Variants in CREM observed in about 807,000 individuals in gnomAD.
CREM encodes the protein cAMP responsive element modulator, also known as cAMP-responsive element modulator.
In CREM, 13 loss-of-function variants were observed where a neutral mutation model predicts 37.3. The observed-to-expected ratio is 0.35, with a 90% CI of 0.23 to 0.55. The LOEUF is 0.55. Among genes scored for constraint, CREM ranks in the 20% least tolerant of loss-of-function variants. The probability of loss-of-function intolerance (pLI) is 0.88; values close to 1 mark genes in which losing one functional copy is unlikely to be tolerated. For missense variants in CREM, 296 were observed against 362.3 expected (o/e 0.82, Z 1.49); for synonymous variants, 124 against 120.2 (o/e 1.03, Z -0.21).
At chr10:35,209,466 G>GA in intron 7 of CREM, 1 of 681,404 alleles carries the variant, frequency 1.5e-6, no homozygotes, top group Non-Finnish European at 1.8e-6. Flanking sequence ...CTACTGATGT[G>GA]ATCGGGGAAA....
intron 1 of CREM, among the ~76,000 whole-genome samples, chr10:35,128,083 C>T (rs1419947487): frequency 6.6e-6 from 1 of 152,102 alleles, no homozygotes; most frequent in East Asian, 1.9e-4. Flanking sequence ...GACCTTCCAC[C>T]CACCTCGGCC....
At chr10:35,189,209 CTGTT>C (rs1171358323) in intron 6 of CREM, among the ~76,000 whole-genome samples, 1 of 148,120 alleles carries the variant, frequency 6.8e-6, no homozygotes, top group East Asian at 2.0e-4. Context: ...TTTTGACTGA[CTGTT>C]CTTAGTTGTT....
intron 3 of CREM, among the ~76,000 whole-genome samples, chr10:35,157,886 C>T (rs1363081549): frequency 6.6e-6 from 1 of 151,962 alleles, no homozygotes; most frequent in Non-Finnish European, 1.5e-5. Flanking sequence ...TACATGAATT[C>T]ACTGAAGTTG....
At position 35,211,939 on chromosome 10, in the gene CREM, C is replaced by T; in HGVS notation, c.*541C>T. ...TTAATCACTTAACATTCCTAAAATG[C>T]TTCACTGTACGTAGTTAAGTCGTAG... is the stretch of plus-strand genomic sequence containing the variant. On this transcript the variant is annotated 3_prime_UTR_variant, in exon 8 of 8. Transcript: ENST00000685392. 1.1e-6 allele frequency: 1 copy of T among 877,822 alleles called. No individual in the cohort carries two copies. Among genetic ancestry groups the T allele is most frequent in the African/African-American group, 1.7e-5 (1 of 57,934 alleles). 54.4% of individuals were successfully genotyped at this position (877,822 alleles called of 1,614,324 possible).
intron 3 of CREM, among the ~76,000 whole-genome samples, chr10:35,152,912 A>T (rs768774632): frequency 9.2e-5 from 14 of 152,212 alleles, no homozygotes; most frequent in Non-Finnish European, 1.8e-4. Context: ...GAGTAGAAGA[A>T]TGATTCCACA....
At chr10:35,197,754 G>A (rs1369730207) in intron 6 of CREM, among the ~76,000 whole-genome samples, 1 of 152,156 alleles carries the variant, frequency 6.6e-6, no homozygotes, top group Non-Finnish European at 1.5e-5. Flanking sequence ...ACCGCGCTCG[G>A]CCTCATTTTA....
At chr10:35,136,646 C>T (rs1342410228) in intron 1 of CREM, among the ~76,000 whole-genome samples, 1 of 152,154 alleles carries the variant, frequency 6.6e-6, no homozygotes, top group East Asian at 1.9e-4. Flanking sequence ...GATTATATGA[C>T]ATCATTTAGA....
chr10:35,200,778 G>T (rs939241846), intron 6 of CREM, among the ~76,000 whole-genome samples: 28 of 152,154 alleles, frequency 1.8e-4, no homozygotes, highest in African/African-American at 6.8e-4. Flanking sequence ...TTTAGGATTA[G>T]TGCCATGCTG....
chr10:35,195,311 T>C (rs2095106806), intron 6 of CREM: 8 of 1,427,836 alleles, frequency 5.6e-6, no homozygotes, highest in Non-Finnish European at 7.8e-6. Context: ...AAAGTGTTAC[T>C]CTCCTAGTCA....
At chr10:35,205,514 C>T (rs1475956193) in intron 6 of CREM, among the ~76,000 whole-genome samples, 2 of 152,074 alleles carry the variant, frequency 1.3e-5, no homozygotes, top group Non-Finnish European at 2.9e-5. Context: ...GAGAATTGCA[C>T]TTAAAGACAT....
chr10:35,140,742 C>G (rs1226685690), intron 2 of CREM, among the ~76,000 whole-genome samples: 1 of 152,156 alleles, frequency 6.6e-6, no homozygotes, highest in Admixed American at 6.5e-5. Flanking sequence ...TTGGTGTCCT[C>G]GAACCAGGCC....
chr10:35,149,930 A>C (rs546321706), intron 3 of CREM, among the ~76,000 whole-genome samples: 4 of 149,168 alleles, frequency 2.7e-5, no homozygotes, highest in African/African-American at 9.9e-5. Context: ...ACACACACAC[A>C]CACACACACC....
At chr10:35,186,922 A>T (rs2094586294) in intron 5 of CREM, among the ~76,000 whole-genome samples, 1 of 104,154 alleles carries the variant, frequency 9.6e-6, no homozygotes, top group Non-Finnish European at 1.7e-5. Flanking sequence ...ATTAAAATAT[A>T]TGTTATATAT....
intron 6 of CREM, among the ~76,000 whole-genome samples, chr10:35,196,792 A>C (rs184464076): frequency 6.6e-6 from 1 of 151,018 alleles, no homozygotes; most frequent in Non-Finnish European, 1.5e-5. Flanking sequence ...TTTCATTCCT[A>C]TTACCCCTTT....
intron 5 of CREM, among the ~76,000 whole-genome samples, chr10:35,187,705 G>C (rs143493744): frequency 1.3e-5 from 2 of 151,644 alleles, no homozygotes; most frequent in African/African-American, 4.8e-5. Context: ...GGGTTTTCCT[G>C]TGTTGCCCAG....
At chr10:35,194,174 C>T (rs1236558352) in intron 6 of CREM, among the ~76,000 whole-genome samples, 1 of 145,970 alleles carries the variant, frequency 6.9e-6, no homozygotes, top group Non-Finnish European at 1.5e-5. Flanking sequence ...GTGGAAATGC[C>T]AATAATTTTT....
intron 3 of CREM, among the ~76,000 whole-genome samples, chr10:35,178,288 G>T (rs991488849): frequency 6.6e-6 from 1 of 152,108 alleles, no homozygotes; most frequent in African/African-American, 2.4e-5. Flanking sequence ...TTCTCTTAAG[G>T]AGAAATGCTT....
intron 3 of CREM, among the ~76,000 whole-genome samples, chr10:35,150,731 G>T (rs1249048340): frequency 1.3e-5 from 2 of 152,232 alleles, no homozygotes; most frequent in South Asian, 2.1e-4. Flanking sequence ...TGAGGCACGA[G>T]AATCACTTGA....
rs2094056989 is a variant in CREM, at chr10:35,176,086, A to G, written c.169-2803A>G. On this transcript the variant is annotated intron_variant, in intron 3 of 7. Coordinates refer to ENST00000685392, the MANE Select transcript of CREM (RefSeq NM_183011.2). ...ACTAATTCATTTATCATTTTTCTTTATGAAGTGCTTATACGCAAATCTTTT... is the reference window on the plus strand; with the variant it reads ...ACTAATTCATTTATCATTTTTCTTTGTGAAGTGCTTATACGCAAATCTTTT... 8 of 1,472,376 alleles carry G rather than the reference A, an allele frequency of 5.4e-6. No individual in the cohort carries two copies. The East Asian group carries it at 2.0e-4, about 36-fold the overall frequency. The allele number at this position is 1,472,376 out of a possible 1,614,324, so 91.2% of individuals were successfully genotyped here. A position where few individuals can be genotyped will look rare whatever the true frequency, so the allele number is the denominator to read the frequency against.
Sources: gnomAD v4.1 joint callset for allele counts (sites outside exome capture counted in the v4.1 genomes callset) on GRCh38, gnomAD v4.1.1 for gene constraint, MANE v1.5 for transcripts, NCBI Gene and HGNC (gene_info 2026-07-23, HGNC 2026-07-21) for gene names.